Variants in SGCD observed in about 807,000 individuals in gnomAD.
The protein encoded by SGCD is delta-sarcoglycan.
A neutral mutation model predicts 36.6 loss-of-function variants in SGCD; 18 were observed. The observed-to-expected ratio is 0.49, with a 90% CI of 0.34 to 0.73. SGCD has a LOEUF of 0.73. Ranked by LOEUF, SGCD falls within the 30% of genes least tolerant of loss-of-function variation. The pLI is 0.01. For missense variants in SGCD, 387 were observed against 346.7 expected (o/e 1.12, Z -0.92); for synonymous variants, 133 against 130.6 (o/e 1.02, Z -0.12).
At chr5:155,767,709 T>C in the SGCD span, among the ~76,000 whole-genome samples, 1 of 152,174 alleles carries the variant, frequency 6.6e-6, no homozygotes, top group African/African-American at 2.4e-5. Flanking sequence ...GCTGTCCTGG[T>C]ACACTGCCTT....
chr5:156,105,769 C>T (rs1761630894), intron 1 of SGCD, among the ~76,000 whole-genome samples: 1 of 152,006 alleles, frequency 6.6e-6, no homozygotes, highest in Non-Finnish European at 1.5e-5. Flanking sequence ...TGTTTTCCTC[C>T]CTTCTGAGGA....
At chr5:156,291,996 C>A (rs1766769679) in intron 3 of SGCD, among the ~76,000 whole-genome samples, 1 of 151,990 alleles carries the variant, frequency 6.6e-6, no homozygotes. Context: ...AAAACATCTT[C>A]CCAACCCCAC....
chr5:156,368,842 C>T (rs949039257), intron 3 of SGCD, among the ~76,000 whole-genome samples: 1 of 152,164 alleles, frequency 6.6e-6, no homozygotes, highest in Non-Finnish European at 1.5e-5. Context: ...GCTCAGGGCT[C>T]CCACTGATTC....
chr5:156,229,703 T>C (rs1406109397), intron 3 of SGCD, among the ~76,000 whole-genome samples: 1 of 152,146 alleles, frequency 6.6e-6, no homozygotes, highest in Non-Finnish European at 1.5e-5. Flanking sequence ...TGTATTTGGA[T>C]GTCTAGGGCT....
chr5:156,199,261 A>G (rs2127636179), intron 3 of SGCD, among the ~76,000 whole-genome samples: 1 of 152,296 alleles, frequency 6.6e-6, no homozygotes, highest in East Asian at 1.9e-4. Flanking sequence ...AATCACTTCT[A>G]CATAACAGCA....
At chr5:156,492,589 A>C (rs1199907037) in intron 3 of SGCD, among the ~76,000 whole-genome samples, 1 of 152,130 alleles carries the variant, frequency 6.6e-6, no homozygotes, top group East Asian at 1.9e-4. Flanking sequence ...TTATACTTTA[A>C]GTTCTGGGAT....
intron 3 of SGCD, among the ~76,000 whole-genome samples, chr5:156,286,248 T>C (rs1372009749): frequency 3.3e-5 from 5 of 152,296 alleles, no homozygotes; most frequent in African/African-American, 7.2e-5. Context: ...AGTTCAACCA[T>C]TGTGGATGTC....
At chr5:155,890,041 A>G (rs941461050) in intron 1 of SGCD, among the ~76,000 whole-genome samples, 2 of 152,190 alleles carry the variant, frequency 1.3e-5, no homozygotes, top group Admixed American at 1.3e-4. Flanking sequence ...TGCAGATTCT[A>G]AGACTCCAGG....
chr5:156,217,278 C>T (rs745591634), intron 3 of SGCD, among the ~76,000 whole-genome samples: 2 of 152,042 alleles, frequency 1.3e-5, no homozygotes, highest in Non-Finnish European at 2.9e-5. Context: ...ATTTATTCAA[C>T]TGTGAAAATT....
intron 3 of SGCD, among the ~76,000 whole-genome samples, chr5:156,175,886 A>T (rs370023998): frequency 1.8e-4 from 27 of 152,212 alleles, no homozygotes; most frequent in Middle Eastern, 6.8e-3. Context: ...AAGATTTATG[A>T]TCACCTCAGG....
intron 3 of SGCD, among the ~76,000 whole-genome samples, chr5:156,423,379 T>A (rs1773498718): frequency 1.9e-5 from 2 of 103,478 alleles, no homozygotes; most frequent in East Asian, 2.6e-4. Context: ...TATTTTATTA[T>A]AATATAATAT....
intron 3 of SGCD, among the ~76,000 whole-genome samples, chr5:156,276,042 C>A (rs1766311245): frequency 6.6e-6 from 1 of 152,122 alleles, no homozygotes; most frequent in South Asian, 2.1e-4. Context: ...GAATAAGTGA[C>A]CTCCCCAGCC....
chr5:155,896,466 T>A (rs1756261349), intron 1 of SGCD, among the ~76,000 whole-genome samples: 1 of 46,022 alleles, frequency 2.2e-5, no homozygotes, highest in Non-Finnish European at 4.3e-5. Context: ...TGAAACCCTG[T>A]CTCTACAAAA....
At chr5:155,999,345 G>A (rs889701593) in intron 1 of SGCD, among the ~76,000 whole-genome samples, 1 of 152,134 alleles carries the variant, frequency 6.6e-6, no homozygotes, top group Non-Finnish European at 1.5e-5. Context: ...GGATGGGTTT[G>A]GTGTCCACTC....
chr5:155,851,966 C>T, the SGCD span, among the ~76,000 whole-genome samples: 2 of 152,176 alleles, frequency 1.3e-5, no homozygotes, highest in Non-Finnish European at 2.9e-5. Context: ...TCCTTGGGAG[C>T]TCCTCTAGTT....
At chr5:156,090,736 G>A (rs984784759) in intron 1 of SGCD, among the ~76,000 whole-genome samples, 4 of 152,086 alleles carry the variant, frequency 2.6e-5, no homozygotes, top group East Asian at 1.9e-4. Flanking sequence ...TATCTCAACC[G>A]CATAAGACAG....
intron 3 of SGCD, among the ~76,000 whole-genome samples, chr5:156,459,568 G>A (rs1754397879): frequency 6.6e-6 from 1 of 152,092 alleles, no homozygotes; most frequent in African/African-American, 2.4e-5. Context: ...CCCTTTCTTT[G>A]CTTCCCATGT....
At chr5:156,734,047 T>G (rs1475542579) in intron 7 of SGCD, among the ~76,000 whole-genome samples, 1 of 152,174 alleles carries the variant, frequency 6.6e-6, no homozygotes, top group Non-Finnish European at 1.5e-5. Flanking sequence ...GGTAATGATC[T>G]TTCTTTTCCA....
At chr5:156,099,975 T>C (rs1761482000) in intron 1 of SGCD, among the ~76,000 whole-genome samples, 1 of 152,144 alleles carries the variant, frequency 6.6e-6, no homozygotes, top group Non-Finnish European at 1.5e-5. Context: ...TTTGTCCCAC[T>C]TACAAATGCA....
Sources: allele counts gnomAD v4.1 joint callset (sites outside exome capture counted in the v4.1 genomes callset), GRCh38; gene constraint gnomAD v4.1.1; transcripts MANE v1.5; gene names NCBI Gene and HGNC (gene_info 2026-07-23, HGNC 2026-07-21).